ANKRD36C: variants seen among roughly 807,000 people sequenced by gnomAD.
ANKRD36C encodes the protein ankyrin repeat domain 36C, also known as ankyrin repeat domain-containing protein 36C.
Under a neutral mutation model 276.4 loss-of-function variants are expected in ANKRD36C, and 61 were observed. The observed-to-expected ratio is 0.22, with a 90% CI of 0.18 to 0.27. ANKRD36C has a LOEUF of 0.27. Ranked by LOEUF, ANKRD36C falls within the 10% of genes least tolerant of loss-of-function variation. ANKRD36C has a pLI of 1.00. For synonymous variants in ANKRD36C, 483 were observed against 680.1 expected (o/e 0.71, Z 4.51); for missense variants, 1,447 against 2,032.3 (o/e 0.71, Z 5.54).
chr2:95,931,593 A>G (rs990580940), intron 24 of ANKRD36C, among the ~76,000 whole-genome samples: 32 of 149,616 alleles, frequency 2.1e-4, no homozygotes, highest in African/African-American at 7.6e-4. Context: ...TTTAACTACA[A>G]TGACAGTCTC....
chr2:95,862,774 G>C lies in ANKRD36C; in HGVS notation c.3683-2700C>G, dbSNP rs1360910247. Among the ~76,000 whole-genome samples, 9 of 152,158 alleles carry C rather than the reference G, an allele frequency of 5.9e-5. No individual in the cohort carries two copies. In the East Asian group the frequency reaches 1.7e-3, roughly 29 times the overall value. ...GAGGGGGGATTTTTACAGGTAGTTG[G>C]TCATGAGAGCAAAGCCCTAATGAAT... is the stretch of plus-strand genomic sequence containing the variant. On this transcript the variant is annotated intron_variant, in intron 60 of 66. Coordinates refer to ENST00000456556, the Ensembl canonical transcript of ANKRD36C.
chr2:95,856,836 A>G (rs1251135595), intron 62 of ANKRD36C, among the ~76,000 whole-genome samples: 2 of 152,158 alleles, frequency 1.3e-5, no homozygotes, highest in African/African-American at 2.4e-5. Context: ...CTCTATTCCT[A>G]GTGCTCTTCC....
intron 12 of ANKRD36C, among the ~76,000 whole-genome samples, chr2:95,957,095 A>G (rs1435547268): frequency 7.0e-6 from 1 of 142,762 alleles, no homozygotes; most frequent in Admixed American, 7.1e-5. Flanking sequence ...GTGAGTGGAT[A>G]ACTTGAGGTC....
intron 3 of ANKRD36C, among the ~76,000 whole-genome samples, chr2:95,983,036 G>A (rs1051592077): frequency 6.6e-6 from 1 of 151,736 alleles, no homozygotes. Context: ...GAGCTTACCA[G>A]TAAAGGTGGA....
chr2:95,869,114 T>C (rs1675745788), intron 59 of ANKRD36C, among the ~76,000 whole-genome samples: 1 of 152,196 alleles, frequency 6.6e-6, no homozygotes, highest in Non-Finnish European at 1.5e-5. Flanking sequence ...AAAATAACTT[T>C]ATCTTTAAAT....
At chr2:95,855,416 T>G (rs1333567603) in exon 63 of ANKRD36C, 1 of 1,613,518 alleles carries the variant, frequency 6.2e-7, no homozygotes, top group Admixed American at 1.7e-5. Flanking sequence ...CACATCTGGC[T>G]TGAATATTAA....
rs1389199050 is a variant in ANKRD36C at position 95,902,948 on chromosome 2, T to C, written c.2654-3612A>G. 140 of 1,590,210 alleles carry C rather than the reference T, an allele frequency of 8.8e-5. 4 individuals are homozygous for C. Among genetic ancestry groups the C allele is most frequent in the Non-Finnish European group, 1.2e-4 (135 of 1,166,530 alleles). ...TATATTCAAAAGAGAATCTTTCTCG[T>C]CTCTTGTAGCCTGAATGGAATTTGA... On this transcript the variant is annotated intron_variant, in intron 42 of 66. Transcript: ENST00000456556.
chr2:95,965,945 T>C (rs1335585985), intron 6 of ANKRD36C, among the ~76,000 whole-genome samples: 1 of 152,130 alleles, frequency 6.6e-6, no homozygotes, highest in African/African-American at 2.4e-5. Flanking sequence ...GGGTGATTTC[T>C]TTTTCTTTTT....
At position 95,909,976 on chromosome 2, in the gene ANKRD36C, G is replaced by A. The variant is rs1350214090; in HGVS notation, c.2653+2268C>T. 7.9e-5 allele frequency among the ~76,000 whole-genome samples: 12 copies of A among 151,246 alleles called. No homozygotes were observed. In the South Asian group the frequency reaches 1.3e-3, roughly 16 times the overall value. On this transcript the variant is annotated intron_variant, in intron 42 of 66. Coordinates refer to ENST00000456556, the Ensembl canonical transcript of ANKRD36C. ...GGCCTCCTTAGTTCTCCTACAGTGT[G>A]TACGGGTTATTACAACAAGTTTTCT...
intron 13 of ANKRD36C, among the ~76,000 whole-genome samples, chr2:95,955,663 A>C (rs1011868526): frequency 6.6e-6 from 1 of 152,084 alleles, no homozygotes; most frequent in Non-Finnish European, 1.5e-5. Context: ...AAAATCACTC[A>C]ATGACAGAAT....
chr2:95,876,064 A>G (rs1333729574), intron 59 of ANKRD36C: 2 of 366,748 alleles, frequency 5.5e-6, no homozygotes, highest in South Asian at 4.4e-5. Flanking sequence ...ACTAGCAATA[A>G]TTACTCCTTT....
At chr2:95,978,945 A>G (rs182753132) in intron 5 of ANKRD36C, among the ~76,000 whole-genome samples, 41 of 152,184 alleles carry the variant, frequency 2.7e-4, no homozygotes, top group Non-Finnish European at 4.0e-4. Flanking sequence ...ACTTCTCTAC[A>G]GACTCTAACT....
chr2:95,981,258 T>C (rs1463527197), intron 4 of ANKRD36C, among the ~76,000 whole-genome samples: 1 of 151,030 alleles, frequency 6.6e-6, no homozygotes, highest in Non-Finnish European at 1.5e-5. Context: ...AGGCATTTAA[T>C]TAAACATGAT....
At chr2:95,977,068 C>A (rs991926123) in intron 6 of ANKRD36C, among the ~76,000 whole-genome samples, 6 of 151,910 alleles carry the variant, frequency 3.9e-5, no homozygotes, top group African/African-American at 1.4e-4. Flanking sequence ...ATAATAACAT[C>A]ATTCTACGTC....
intron 6 of ANKRD36C, among the ~76,000 whole-genome samples, chr2:95,963,772 C>T (rs1238666509): frequency 9.3e-6 from 1 of 107,582 alleles, no homozygotes; most frequent in Non-Finnish European, 1.8e-5. Flanking sequence ...TCCTACATTT[C>T]CCGGATTCAG....
chr2:95,861,908 G>A (rs1675593898), intron 60 of ANKRD36C, among the ~76,000 whole-genome samples: 2 of 151,944 alleles, frequency 1.3e-5, no homozygotes, highest in Non-Finnish European at 2.9e-5. Context: ...CATGCTAACA[G>A]TTGGCAAAGG....
intron 40 of ANKRD36C, 35 bp downstream of exon 42, chr2:95,914,073 A>G (rs1381784699): frequency 8.5e-6 from 13 of 1,525,714 alleles, no homozygotes; most frequent in Non-Finnish European, 1.2e-5. Context: ...ATCTATCTCG[A>G]CTGATCATGA....
At chr2:95,916,231 A>C in intron 36 of ANKRD36C, 60 bp from the exon 39 acceptor site, 1 of 1,595,938 alleles carries the variant, frequency 6.3e-7, no homozygotes, top group Non-Finnish European at 8.5e-7. Context: ...TTATCCATAC[A>C]TTCACACAGT....
chr2:95,965,117 G>A (rs888009208), intron 6 of ANKRD36C, among the ~76,000 whole-genome samples: 4 of 151,798 alleles, frequency 2.6e-5, no homozygotes, highest in Non-Finnish European at 5.9e-5. Context: ...GATCCAAGAA[G>A]AGCAGAGTGC....
Sources: gnomAD v4.1 joint callset for allele counts (sites outside exome capture counted in the v4.1 genomes callset) on GRCh38, gnomAD v4.1.1 for gene constraint, MANE v1.5 for transcripts, NCBI Gene and HGNC (gene_info 2026-07-23, HGNC 2026-07-21) for gene names.